TAFA2: variants seen among roughly 807,000 people sequenced by gnomAD.
The protein encoded by TAFA2 is chemokine-like protein TAFA-2.
TAFA2 carries 7 observed loss-of-function variants against 18.8 expected under a neutral mutation model. The observed-to-expected ratio is 0.37, with a 90% CI of 0.21 to 0.70. The LOEUF is 0.70. Among genes scored for constraint, TAFA2 ranks in the 30% least tolerant of loss-of-function variants. TAFA2 has a pLI of 0.53. For synonymous variants in TAFA2, 60 were observed against 54.2 expected (o/e 1.11, Z -0.47); for missense variants, 122 against 158.1 (o/e 0.77, Z 1.23).
At chr12:61,755,160 C>T (rs549443035) in intron 2 of TAFA2, 136 bp from the exon 3 acceptor site, 4 of 704,390 alleles carry the variant, frequency 5.7e-6, no homozygotes, top group East Asian at 5.5e-5. Context: ...TACAATGATG[C>T]TAACTCCATA....
chr12:62,204,977 C>T (rs934536381), intron 1 of TAFA2, among the ~76,000 whole-genome samples: 4 of 152,190 alleles, frequency 2.6e-5, no homozygotes, highest in African/African-American at 9.7e-5. Context: ...TTAGCTTCAA[C>T]TTTGAGACTG....
intron 1 of TAFA2, among the ~76,000 whole-genome samples, chr12:62,130,409 A>G (rs1870633827): frequency 6.6e-6 from 1 of 151,970 alleles, no homozygotes. Flanking sequence ...TACACAATTC[A>G]AGGGGGTAAG....
Position 62,245,575 on chromosome 12 carries a change from A to AAT in TAFA2, c.-130+13186_-130+13187dup, listed in dbSNP as rs899000049. On this transcript the variant is annotated intron_variant, in intron 1 of 5. Transcript: ENST00000551619. Reference sequence around the variant, plus strand: ...TAGTTTTCTTGACCAGTTTTGTTGAAATATATATATACACATTTTTCTATG... The same window carrying AAT: ...TAGTTTTCTTGACCAGTTTTGTTGAAATATATATATATACACATTTTTCTATG... Among the ~76,000 whole-genome samples, 7 of 149,132 alleles carry AAT rather than the reference A, an allele frequency of 4.7e-5. No homozygotes were observed. The South Asian group carries it at 1.0e-3, about 22-fold the overall frequency.
At chr12:61,782,045 G>A (rs978504237) in intron 2 of TAFA2, among the ~76,000 whole-genome samples, 14 of 151,640 alleles carry the variant, frequency 9.2e-5, no homozygotes, top group East Asian at 7.8e-4. Flanking sequence ...TAGGAGGAAC[G>A]GTGGAATACA....
chr12:62,092,728 AACACCT>A (rs1292618221), intron 1 of TAFA2, among the ~76,000 whole-genome samples: 1 of 152,046 alleles, frequency 6.6e-6, no homozygotes, highest in Non-Finnish European at 1.5e-5. Context: ...CTCATTAACA[AACACCT>A]ACTATAGTAG....
intron 2 of TAFA2, among the ~76,000 whole-genome samples, chr12:61,756,164 A>G (rs1298165525): frequency 6.6e-6 from 1 of 152,088 alleles, no homozygotes; most frequent in African/African-American, 2.4e-5. Context: ...TTTCTAAGAC[A>G]GAGCAAATCA....
At chr12:61,904,089 T>C (rs1033447030) in intron 1 of TAFA2, among the ~76,000 whole-genome samples, 1 of 152,184 alleles carries the variant, frequency 6.6e-6, no homozygotes, top group African/African-American at 2.4e-5. Flanking sequence ...AGTAGAAACC[T>C]CAAAGCATCC....
intron 1 of TAFA2, among the ~76,000 whole-genome samples, chr12:61,990,817 G>A (rs921025089): frequency 2.0e-5 from 3 of 152,166 alleles, no homozygotes; most frequent in Non-Finnish European, 2.9e-5. Context: ...TGATCACCAC[G>A]TGGAGGAGTG....
At chr12:62,099,832 C>A (rs953937561) in intron 1 of TAFA2, among the ~76,000 whole-genome samples, 2 of 152,066 alleles carry the variant, frequency 1.3e-5, no homozygotes, top group African/African-American at 4.8e-5. Context: ...AAGTAACTTG[C>A]CCACATCACT....
intron 1 of TAFA2, among the ~76,000 whole-genome samples, chr12:62,104,233 C>T (rs1046423462): frequency 1.3e-4 from 19 of 150,776 alleles, no homozygotes; most frequent in Non-Finnish European, 7.4e-5. Flanking sequence ...CCTATCTTCA[C>T]AATAGCTTTC....
intron 1 of TAFA2, among the ~76,000 whole-genome samples, chr12:62,032,801 A>G (rs1181332383): frequency 1.3e-5 from 2 of 152,192 alleles, no homozygotes; most frequent in Non-Finnish European, 2.9e-5. Context: ...ACAAAAAGAA[A>G]CAGAAGAGTA....
rs71083953 is a variant in TAFA2 at position 61,724,751 on chromosome 12, ATGTGTGTGTG to A, written c.385-14344_385-14335del. 6.8e-3 allele frequency among the ~76,000 whole-genome samples: 778 copies of A among 114,646 alleles called. 7 individuals carry two copies. The highest frequency in any genetic ancestry group is 0.038 in the South Asian group (115 of 2,994). The allele number at this position is 114,646 out of a possible 152,430, so 75.2% of individuals were successfully genotyped here. ...CTGAGTAGTATTCCATGGTATGTCT[ATGTGTGTGTG>A]TGTGTGTGTGTGTGTGTGTGTGTGT... On this transcript the variant is annotated intron_variant, in intron 4 of 4. Transcript: ENST00000416284.
At chr12:62,174,021 G>A (rs1288578820) in intron 1 of TAFA2, among the ~76,000 whole-genome samples, 2 of 152,230 alleles carry the variant, frequency 1.3e-5, no homozygotes, top group Admixed American at 6.5e-5. Context: ...GCCAGGCGTG[G>A]TGGTTCATGC....
chr12:62,022,141 G>A (rs938595700), intron 1 of TAFA2: 25 of 433,984 alleles, frequency 5.8e-5, no homozygotes, highest in Non-Finnish European at 1.1e-4. Context: ...GTGTTCTGGT[G>A]GCTAAGATAA....
chr12:62,048,795 A>T (rs761973488), intron 1 of TAFA2, among the ~76,000 whole-genome samples: 3 of 152,222 alleles, frequency 2.0e-5, no homozygotes, highest in Non-Finnish European at 4.4e-5. Context: ...ACACTTTGCT[A>T]TCACAATTTA....
intron 1 of TAFA2, among the ~76,000 whole-genome samples, chr12:61,986,065 T>C (rs532017241): frequency 1.4e-4 from 21 of 151,904 alleles, no homozygotes; most frequent in African/African-American, 3.6e-4. Flanking sequence ...ACATGCTAAG[T>C]AGCTCTGTGC....
chr12:61,944,015 C>T (rs1314747299), intron 1 of TAFA2, among the ~76,000 whole-genome samples: 1 of 133,126 alleles, frequency 7.5e-6, no homozygotes, highest in African/African-American at 3.0e-5. Flanking sequence ...TTTTCAGCAC[C>T]ACACCACACC....
chr12:62,020,268 AG>A (rs1429550995), intron 1 of TAFA2, among the ~76,000 whole-genome samples: 12 of 152,212 alleles, frequency 7.9e-5, no homozygotes, highest in Admixed American at 2.6e-4. Context: ...CTGCCACACT[AG>A]TATTATCATA....
At chr12:62,112,879 C>T (rs1055947649) in intron 1 of TAFA2, among the ~76,000 whole-genome samples, 2 of 152,094 alleles carry the variant, frequency 1.3e-5, no homozygotes, top group African/African-American at 2.4e-5. Context: ...TTAGCAGTTT[C>T]TCTAACCTTT....
Sources: allele counts gnomAD v4.1 joint callset (sites outside exome capture counted in the v4.1 genomes callset), GRCh38; gene constraint gnomAD v4.1.1; transcripts MANE v1.5; gene names NCBI Gene and HGNC (gene_info 2026-07-23, HGNC 2026-07-21).